The following NXPH1 variants were observed in gnomAD, a reference collection of about 807,000 sequenced individuals.
NXPH1 encodes the protein neurexophilin-1.
In NXPH1, 5 loss-of-function variants were observed where a neutral mutation model predicts 23.7. The ratio of observed to expected loss-of-function variants is 0.21; its 90% CI spans 0.11 to 0.44. NXPH1 has a LOEUF of 0.44. Ranked by LOEUF, NXPH1 falls within the 20% of genes least tolerant of loss-of-function variation. NXPH1 has a pLI of 0.99. For missense variants in NXPH1, 324 were observed against 321.6 expected, an observed-to-expected ratio of 1.01 and a Z score of -0.06; for synonymous variants, 144 against 122.2, an observed-to-expected ratio of 1.18 and a Z score of -1.18.
rs1420630234 is a variant in NXPH1, at chr7:8,552,142, A to C, written c.54+116375A>C. 1.8e-3 allele frequency among the ~76,000 whole-genome samples: 252 copies of C among 141,822 alleles called. 1 individual carries two copies. Among genetic ancestry groups the C allele is most frequent in the African/African-American group, 6.2e-3 (222 of 35,712 alleles). 93.0% of individuals were successfully genotyped at this position (141,822 alleles called of 152,430 possible). A position where few individuals can be genotyped will look rare whatever the true frequency, so the allele number is the denominator to read the frequency against. Reference sequence around the variant, plus strand: ...AAAAAAAAAAAAAAAAAAAAAAAAAACCACCAAAACCACACAAACCGTTAA... The same window carrying C: ...AAAAAAAAAAAAAAAAAAAAAAAAACCCACCAAAACCACACAAACCGTTAA... On this transcript the variant is annotated intron_variant, in intron 2 of 2. Transcript: ENST00000405863.
At chr7:8,518,690 C>T (rs1817724924) in intron 2 of NXPH1, among the ~76,000 whole-genome samples, 1 of 151,998 alleles carries the variant, frequency 6.6e-6, no homozygotes, top group African/African-American at 2.4e-5. Flanking sequence ...CTTCCTATGT[C>T]TCCCCAGGTG....
intron 2 of NXPH1, among the ~76,000 whole-genome samples, chr7:8,519,562 A>G (rs1325647187): frequency 6.6e-6 from 1 of 152,238 alleles, no homozygotes; most frequent in Non-Finnish European, 1.5e-5. Flanking sequence ...ATATGGAATA[A>G]GCATTTTCAT....
intron 2 of NXPH1, among the ~76,000 whole-genome samples, chr7:8,644,395 C>G (rs1325264537): frequency 2.0e-5 from 3 of 152,110 alleles, no homozygotes; most frequent in African/African-American, 7.2e-5. Context: ...AAGAAAGGTT[C>G]TCACCTTGGC....
At chr7:8,555,464 C>T (rs1818342656) in intron 2 of NXPH1, among the ~76,000 whole-genome samples, 1 of 151,554 alleles carries the variant, frequency 6.6e-6, no homozygotes, top group Non-Finnish European at 1.5e-5. Context: ...ACACAGCAAG[C>T]CAGTTTGTAA....
At chr7:8,496,071 G>GT in intron 2 of NXPH1, among the ~76,000 whole-genome samples, 1 of 152,132 alleles carries the variant, frequency 6.6e-6, no homozygotes, top group Non-Finnish European at 1.5e-5. Flanking sequence ...TTTGAATGAA[G>GT]TTATATCAAA....
At chr7:8,667,179 C>CT (rs1373540927) in intron 2 of NXPH1, among the ~76,000 whole-genome samples, 1 of 151,770 alleles carries the variant, frequency 6.6e-6, no homozygotes, top group Non-Finnish European at 1.5e-5. Flanking sequence ...TTTTTAAATA[C>CT]TTTTGCATTT....
intron 2 of NXPH1, among the ~76,000 whole-genome samples, chr7:8,505,724 C>T (rs1251109819): frequency 6.6e-6 from 1 of 151,996 alleles, no homozygotes; most frequent in East Asian, 1.9e-4. Context: ...TTCAATCATT[C>T]AATAAAAGTT....
At chr7:8,494,133 TCA>T (rs1325857894) in intron 2 of NXPH1, among the ~76,000 whole-genome samples, 1 of 151,992 alleles carries the variant, frequency 6.6e-6, no homozygotes, top group Non-Finnish European at 1.5e-5. Context: ...GTACTACTTG[TCA>T]CACTCTGTTT....
chr7:8,465,401 A>G (rs748727472), intron 2 of NXPH1, among the ~76,000 whole-genome samples: 1 of 152,106 alleles, frequency 6.6e-6, no homozygotes, highest in Non-Finnish European at 1.5e-5. Flanking sequence ...ATTACCTTTT[A>G]TAAGGCCTCT....
intron 2 of NXPH1, among the ~76,000 whole-genome samples, chr7:8,525,757 G>A (rs1817852022): frequency 6.6e-6 from 1 of 152,252 alleles, no homozygotes; most frequent in African/African-American, 2.4e-5. Context: ...TGTTGAGCAT[G>A]TGGGTGCACA....
intron 2 of NXPH1, among the ~76,000 whole-genome samples, chr7:8,656,216 C>G (rs984928324): frequency 6.6e-6 from 1 of 152,142 alleles, no homozygotes. Flanking sequence ...TCTGATAAGA[C>G]AAATAATAAA....
chr7:8,737,531 G>A (rs927976796), intron 2 of NXPH1, among the ~76,000 whole-genome samples: 7 of 152,152 alleles, frequency 4.6e-5, no homozygotes, highest in Admixed American at 1.3e-4. Flanking sequence ...CCCTTTGTGG[G>A]TAACCTGACC....
chr7:8,738,660 G>T (rs1181216262), intron 2 of NXPH1, among the ~76,000 whole-genome samples: 2 of 152,204 alleles, frequency 1.3e-5, no homozygotes, highest in Non-Finnish European at 2.9e-5. Flanking sequence ...TATGCTGGGA[G>T]ATCTGCTGCT....
intron 2 of NXPH1, among the ~76,000 whole-genome samples, chr7:8,634,319 G>T (rs1820181591): frequency 6.6e-6 from 1 of 152,156 alleles, no homozygotes; most frequent in Admixed American, 6.5e-5. Context: ...AGCCATGTAA[G>T]AGGTGCCTAT....
chr7:8,508,368 T>C (rs967134919), intron 2 of NXPH1, among the ~76,000 whole-genome samples: 1 of 152,110 alleles, frequency 6.6e-6, no homozygotes, highest in Non-Finnish European at 1.5e-5. Context: ...ATCTGCAAAA[T>C]AGAAATAATA....
At chr7:8,504,625 C>A (rs1352499554) in intron 2 of NXPH1, among the ~76,000 whole-genome samples, 1 of 152,036 alleles carries the variant, frequency 6.6e-6, no homozygotes, top group Non-Finnish European at 1.5e-5. Context: ...AAATCACATG[C>A]TCTGCATTCC....
intron 2 of NXPH1, among the ~76,000 whole-genome samples, chr7:8,686,718 G>A (rs1266337358): frequency 6.6e-6 from 1 of 152,060 alleles, no homozygotes. Flanking sequence ...TTAAATTAGG[G>A]GAGAGAGGAG....
intron 2 of NXPH1, among the ~76,000 whole-genome samples, chr7:8,725,710 A>G (rs568171056): frequency 6.6e-6 from 1 of 152,318 alleles, no homozygotes; most frequent in African/African-American, 2.4e-5. Context: ...ACAATGCCAC[A>G]CTAGAACATT....
In NXPH1 at chr7:8,464,479, C is replaced by A. The variant is rs111902956; in HGVS notation, c.54+28712C>A. ...GTCTTTTTACCCCACTACACTAATTCTTTCATGATCCCAAAATGTCTTCCT... is the reference window on the plus strand; with the variant it reads ...GTCTTTTTACCCCACTACACTAATTATTTCATGATCCCAAAATGTCTTCCT... On this transcript the variant is annotated intron_variant, in intron 2 of 2. Coordinates refer to ENST00000405863, the MANE Select transcript of NXPH1 (RefSeq NM_152745.3). 7.9e-3 allele frequency among the ~76,000 whole-genome samples: 1,205 copies of A among 152,308 alleles called. 14 individuals are homozygous for A. Among genetic ancestry groups the A allele is most frequent in the African/African-American group, 0.028 (1,144 of 41,576 alleles).
Sources: allele counts gnomAD v4.1 joint callset (sites outside exome capture counted in the v4.1 genomes callset), GRCh38; gene constraint gnomAD v4.1.1; transcripts MANE v1.5; gene names NCBI Gene and HGNC (gene_info 2026-07-23, HGNC 2026-07-21).